PRELID2: variants seen among roughly 807,000 people sequenced by gnomAD.
The protein encoded by PRELID2 is PRELI domain-containing protein 2.
PRELID2 carries 25 observed loss-of-function variants against 28.4 expected under a neutral mutation model. The ratio of observed to expected loss-of-function variants is 0.88; its 90% CI spans 0.64 to 1.23. The LOEUF is 1.23. Among genes scored for constraint, PRELID2 ranks in the 50% most tolerant of loss-of-function variants. The pLI is 0.00. For missense variants in PRELID2, 201 were observed against 214.4 expected (o/e 0.94, Z 0.39); for synonymous variants, 76 against 71.6 (o/e 1.06, Z -0.31).
intron 1 of PRELID2, among the ~76,000 whole-genome samples, chr5:145,691,239 T>A (rs1234417787): frequency 6.6e-6 from 1 of 152,184 alleles, no homozygotes; most frequent in Non-Finnish European, 1.5e-5. Context: ...CAACAAATAT[T>A]TACTACCAAC....
At chr5:145,805,218 T>C (rs1357904457) in intron 4 of PRELID2, among the ~76,000 whole-genome samples, 1 of 152,198 alleles carries the variant, frequency 6.6e-6, no homozygotes, top group African/African-American at 2.4e-5. Context: ...CTTATTTCCA[T>C]TGATCATTCT....
intron 1 of PRELID2, among the ~76,000 whole-genome samples, chr5:145,662,530 T>C (rs1195612643): frequency 6.6e-6 from 1 of 152,136 alleles, no homozygotes; most frequent in Admixed American, 6.6e-5. Flanking sequence ...ATGTTGAAAC[T>C]TCAACCTCAA....
intron 1 of PRELID2, among the ~76,000 whole-genome samples, chr5:145,499,487 A>G (rs1306819664): frequency 1.3e-5 from 2 of 152,186 alleles, no homozygotes; most frequent in African/African-American, 2.4e-5. Context: ...AAGAGAAAGA[A>G]ATTCTCAATG....
At chr5:145,590,384 C>T (rs376340657) in intron 1 of PRELID2, among the ~76,000 whole-genome samples, 1 of 152,162 alleles carries the variant, frequency 6.6e-6, no homozygotes, top group East Asian at 1.9e-4. Context: ...TACAATCTAA[C>T]ATTTCCTTAT....
chr5:145,518,629 T>C (rs982024486), intron 1 of PRELID2, among the ~76,000 whole-genome samples: 2 of 152,246 alleles, frequency 1.3e-5, no homozygotes, highest in Non-Finnish European at 2.9e-5. Flanking sequence ...TTAACATTTA[T>C]GGTTATCAGT....
the PRELID2 span, among the ~76,000 whole-genome samples, chr5:145,265,870 A>G: frequency 2.0e-4 from 30 of 152,316 alleles, no homozygotes; most frequent in African/African-American, 7.2e-4. Context: ...AGAAGATAAC[A>G]TTGCAAAATC....
the PRELID2 span, among the ~76,000 whole-genome samples, chr5:145,395,177 T>C: frequency 6.6e-6 from 1 of 152,046 alleles, no homozygotes; most frequent in African/African-American, 2.4e-5. Context: ...CTATAATTTA[T>C]AGCTAGAAAC....
At chr5:145,817,288 T>C (rs1754417541) in intron 4 of PRELID2, among the ~76,000 whole-genome samples, 1 of 141,994 alleles carries the variant, frequency 7.0e-6, no homozygotes, top group Non-Finnish European at 1.6e-5. Context: ...AAGGAAGATA[T>C]GCTTCACAAA....
chr5:145,243,803 T>C, the PRELID2 span, among the ~76,000 whole-genome samples: 1 of 152,146 alleles, frequency 6.6e-6, no homozygotes, highest in Non-Finnish European at 1.5e-5. Context: ...TTATCAGCAT[T>C]ATTATTTTAT....
At chr5:145,482,994 A>C (rs547511939) in intron 1 of PRELID2, among the ~76,000 whole-genome samples, 80 of 152,116 alleles carry the variant, frequency 5.3e-4, no homozygotes, top group Non-Finnish European at 9.4e-4. Flanking sequence ...CTCACCTGCC[A>C]CTCACCTCCT....
intron 4 of PRELID2, among the ~76,000 whole-genome samples, chr5:145,801,986 T>C (rs1311979123): frequency 1.3e-5 from 2 of 152,200 alleles, no homozygotes; most frequent in African/African-American, 4.8e-5. Flanking sequence ...GTCTCCAGCA[T>C]GAATTCCCTA....
the PRELID2 span, among the ~76,000 whole-genome samples, chr5:145,292,239 A>C: frequency 2.0e-5 from 3 of 152,192 alleles, no homozygotes; most frequent in Admixed American, 2.0e-4. Context: ...CATATTATGA[A>C]TTTTAAAAGT....
At chr5:145,792,531 C>T (rs1305982725) in intron 5 of PRELID2, among the ~76,000 whole-genome samples, 2 of 152,124 alleles carry the variant, frequency 1.3e-5, no homozygotes, top group East Asian at 3.9e-4. Flanking sequence ...TGCTTTCCAC[C>T]CTGAGCTAGA....
chr5:145,593,870 C>G (rs1753265270), intron 1 of PRELID2, among the ~76,000 whole-genome samples: 1 of 152,164 alleles, frequency 6.6e-6, no homozygotes, highest in Non-Finnish European at 1.5e-5. Flanking sequence ...TGGATCCAGA[C>G]TCACACAAAC....
intron 1 of PRELID2, among the ~76,000 whole-genome samples, chr5:145,739,965 TA>T (rs61041489): frequency 0.82 from 122,984 of 150,328 alleles, 50,698 homozygotes; most frequent in East Asian, 0.88. Context: ...GAAAAATAAA[TA>T]AAAAAACATA....
chr5:145,355,843 T>C, the PRELID2 span, among the ~76,000 whole-genome samples: 4 of 152,192 alleles, frequency 2.6e-5, no homozygotes, highest in Admixed American at 6.5e-5. Context: ...TTTGAAAAGT[T>C]ACATGAGCTG....
At chr5:145,412,098 G>A in the PRELID2 span, among the ~76,000 whole-genome samples, 22 of 152,136 alleles carry the variant, frequency 1.4e-4, no homozygotes, top group African/African-American at 5.3e-4. Flanking sequence ...GGGCTGCTGT[G>A]AAGGTCTCTG....
At chr5:145,311,811 G>A in the PRELID2 span, among the ~76,000 whole-genome samples, 2 of 152,130 alleles carry the variant, frequency 1.3e-5, no homozygotes, top group African/African-American at 4.8e-5. Flanking sequence ...AAATTCTAGA[G>A]TAGTGCATTT....
chr5:145,417,852 T>G, the PRELID2 span, among the ~76,000 whole-genome samples: 1 of 152,302 alleles, frequency 6.6e-6, no homozygotes, highest in Admixed American at 6.5e-5. Flanking sequence ...AAGGATGTCC[T>G]TTCTCACCAT....
Sources: gnomAD v4.1 joint callset for allele counts (sites outside exome capture counted in the v4.1 genomes callset) on GRCh38, gnomAD v4.1.1 for gene constraint, MANE v1.5 for transcripts, NCBI Gene and HGNC (gene_info 2026-07-23, HGNC 2026-07-21) for gene names.